INPP5A: variants seen among roughly 807,000 people sequenced by gnomAD.
INPP5A encodes the protein 43 kDa inositol polyphosphate 5-phophatase.
INPP5A carries 14 observed loss-of-function variants against 65.2 expected under a neutral mutation model. That is an observed-to-expected ratio of 0.21 (90% CI 0.14 to 0.34). The LOEUF (loss-of-function observed/expected upper bound fraction) is 0.34, where lower values mean the gene tolerates loss of function less well. INPP5A is among the 10% of genes least tolerant of loss of function. The pLI, the probability that INPP5A is intolerant of heterozygous loss-of-function variation, is 1.00. For missense variants in INPP5A, 431 were observed against 545.6 expected, an observed-to-expected ratio of 0.79 and a Z score of 2.09; for synonymous variants, 207 against 208.3, an observed-to-expected ratio of 0.99 and a Z score of 0.05.
rs1015725476 is a variant in INPP5A at position 132,678,032 on chromosome 10, G to A, written c.307-12360G>A. ...TGTGCATCTCTCCCGCCAGCAGCCA[G>A]CCGGGAGAGGGGCTCGGCAGGAGGC... is the stretch of plus-strand genomic sequence containing the variant. On this transcript the variant is annotated intron_variant, in intron 4 of 15. Coordinates refer to ENST00000368594, the MANE Select transcript of INPP5A (RefSeq NM_005539.5). The surrounding 1 kb of genome is among the most constrained non-coding windows in gnomAD (Gnocchi z 4.1). Among the ~76,000 whole-genome samples, 1 of 152,266 alleles carries A rather than the reference G, an allele frequency of 6.6e-6. No homozygotes were observed. The highest frequency in any genetic ancestry group is 1.5e-5 in the Non-Finnish European group (1 of 68,048).
chr10:132,739,760 C>G (rs1011012114), intron 9 of INPP5A, among the ~76,000 whole-genome samples: 6 of 152,210 alleles, frequency 3.9e-5, no homozygotes, highest in African/African-American at 1.2e-4. Flanking sequence ...CATCAAAGAT[C>G]GTCAGGCTTG....
At position 132,704,294 on chromosome 10, in the gene INPP5A, T is replaced by C. The variant is rs922820590; in HGVS notation, c.475-4019T>C. ...GGGGCCTCACCCAGTTACTGTAGAT[T>C]TGTCACCAGTCACACGTCCAGCCTT... On this transcript the variant is annotated intron_variant, in intron 6 of 15. Coordinates refer to ENST00000368594, the MANE Select transcript of INPP5A (RefSeq NM_005539.5). The surrounding 1 kb of genome is among the most constrained non-coding windows in gnomAD (Gnocchi z 4.5). Among the ~76,000 whole-genome samples, 2 of 152,172 alleles carry C rather than the reference T, an allele frequency of 1.3e-5. No individual in the cohort carries two copies. The highest frequency in any genetic ancestry group is 2.9e-5 in the Non-Finnish European group (2 of 68,024).
intron 1 of INPP5A, among the ~76,000 whole-genome samples, chr10:132,566,347 G>A (rs2071274710): frequency 6.6e-6 from 1 of 152,144 alleles, no homozygotes; most frequent in Non-Finnish European, 1.5e-5. Flanking sequence ...AGGAACATCC[G>A]GCCCCAGTTC....
At chr10:132,745,116 G>C (rs1447466138) in intron 9 of INPP5A, among the ~76,000 whole-genome samples, 1 of 152,220 alleles carries the variant, frequency 6.6e-6, no homozygotes, top group African/African-American at 2.4e-5. Flanking sequence ...AGGGCCTGGG[G>C]ACACAGGGTG....
chr10:132,738,707 C>A (rs1300607101), intron 9 of INPP5A, among the ~76,000 whole-genome samples: 1 of 152,238 alleles, frequency 6.6e-6, no homozygotes, highest in Non-Finnish European at 1.5e-5. Context: ...CGGGAGCAAC[C>A]TTGGGAGAGG....
intron 2 of INPP5A, among the ~76,000 whole-genome samples, chr10:132,640,106 T>A (rs934376112): frequency 5.9e-5 from 9 of 152,244 alleles, no homozygotes; most frequent in Non-Finnish European, 1.3e-4. Context: ...GGCCATGTTT[T>A]CAGATTCCGA....
chr10:132,620,891 C>G (rs2072099468), intron 2 of INPP5A, among the ~76,000 whole-genome samples: 1 of 152,128 alleles, frequency 6.6e-6, no homozygotes, highest in Non-Finnish European at 1.5e-5. Flanking sequence ...AAAATTCAAA[C>G]CAACATTCCC....
intron 1 of INPP5A, among the ~76,000 whole-genome samples, chr10:132,594,766 G>A (rs201989459): frequency 2.0e-5 from 3 of 152,184 alleles, no homozygotes; most frequent in East Asian, 3.9e-4. Context: ...TCCTGAGGTG[G>A]GGACCTCTGC....
rs1243145248 is a variant in INPP5A at position 132,587,445 on chromosome 10, G to A, written c.76-20470G>A. ...GATCCTGGCATGGCCTGTGTGATTC[G>A]AGGTCAGAAATCATGACGGGGAAAG... On this transcript the variant is annotated intron_variant, in intron 1 of 15. Transcript: ENST00000368594. The surrounding 1 kb of genome is among the most constrained non-coding windows in gnomAD (Gnocchi z 4.3). 6.6e-6 allele frequency among the ~76,000 whole-genome samples: 1 copy of A among 152,174 alleles called. No individual in the cohort carries two copies. Among genetic ancestry groups the A allele is most frequent in the Non-Finnish European group, 1.5e-5 (1 of 68,032 alleles).
At position 132,704,412 on chromosome 10, in the gene INPP5A, C is replaced by T. The variant is rs1845498644; in HGVS notation, c.475-3901C>T. On this transcript the variant is annotated intron_variant, in intron 6 of 15. Transcript: ENST00000368594. This position sits in a 1 kb window ranked among gnomAD's most constrained non-coding sequence, Gnocchi z 4.5. ...AGGGACCATAGGTGCAGTTCTTAAC[C>T]TGTGAGCCTCAGTTTCCCTTTCTGG... 6.6e-6 allele frequency among the ~76,000 whole-genome samples: 1 copy of T among 152,244 alleles called. No individual in the cohort carries two copies. Among genetic ancestry groups the T allele is most frequent in the South Asian group, 2.1e-4 (1 of 4,834 alleles).
At chr10:132,688,819 T>G (rs1253697829) in intron 4 of INPP5A, among the ~76,000 whole-genome samples, 1 of 3,680 alleles carries the variant, frequency 2.7e-4, no homozygotes, top group East Asian at 0.028. Flanking sequence ...TGTGAGTGCA[T>G]GACTGAGTGC....
At chr10:132,688,905 CGT>C (rs1479320718) in intron 4 of INPP5A, among the ~76,000 whole-genome samples, 5 of 148,980 alleles carry the variant, frequency 3.4e-5, no homozygotes. Context: ...AGAGCAAGCA[CGT>C]GAGTGTGCAT....
At position 132,651,321 on chromosome 10, in the gene INPP5A, C is replaced by T. The variant is rs1163825994; in HGVS notation, c.306+816C>T. 1.4e-5 allele frequency among the ~76,000 whole-genome samples: 2 copies of T among 143,616 alleles called. No individual in the cohort carries two copies. The highest frequency in any genetic ancestry group is 6.8e-5 in the Admixed American group (1 of 14,714). 94.2% of individuals were successfully genotyped at this position (143,616 alleles called of 152,430 possible). A position where few individuals can be genotyped will look rare whatever the true frequency, so the allele number is the denominator to read the frequency against. ...GTCTCTGGGGAGGCCCTGGGTCCCC[C>T]GGCCTGGATCCATCTCCCCCGTCTC... On this transcript the variant is annotated intron_variant, in intron 4 of 15. Coordinates refer to ENST00000368594, the MANE Select transcript of INPP5A (RefSeq NM_005539.5). The surrounding 1 kb of genome is among the most constrained non-coding windows in gnomAD (Gnocchi z 5.0).
chr10:132,702,916 T>TG (rs897347459), intron 6 of INPP5A, among the ~76,000 whole-genome samples: 3 of 152,074 alleles, frequency 2.0e-5, no homozygotes, highest in African/African-American at 7.2e-5. Flanking sequence ...ACTGTGGGCT[T>TG]GGGGGAGTGG....
Position 132,651,729 on chromosome 10 carries a change from G to A in INPP5A, c.306+1224G>A, listed in dbSNP as rs1483714566. On this transcript the variant is annotated intron_variant, in intron 4 of 15. Coordinates refer to ENST00000368594, the MANE Select transcript of INPP5A (RefSeq NM_005539.5). This position sits in a 1 kb window ranked among gnomAD's most constrained non-coding sequence, Gnocchi z 5.0. Reference sequence around the variant, plus strand: ...GCAGGTGGGACTCTCATTGCTGTTTGGGTTCAAGGGCCATCTCACTTGTTT... The same window carrying A: ...GCAGGTGGGACTCTCATTGCTGTTTAGGTTCAAGGGCCATCTCACTTGTTT... Among the ~76,000 whole-genome samples the A allele has an allele frequency of 6.6e-6, 1 of 152,198 alleles. No homozygotes were observed. Among genetic ancestry groups the A allele is most frequent in the African/African-American group, 2.4e-5 (1 of 41,444 alleles).
chr10:132,618,106 A>C (rs1453147358), intron 2 of INPP5A, among the ~76,000 whole-genome samples: 2 of 152,266 alleles, frequency 1.3e-5, no homozygotes, highest in Admixed American at 1.3e-4. Flanking sequence ...GTTGTCTGTC[A>C]TGCAAATATA....
chr10:132,613,081 C>T (rs1481485460), intron 2 of INPP5A, among the ~76,000 whole-genome samples: 2 of 152,196 alleles, frequency 1.3e-5, no homozygotes, highest in Non-Finnish European at 2.9e-5. Context: ...AGAATCCCCA[C>T]GTACATGTCC....
intron 8 of INPP5A, among the ~76,000 whole-genome samples, chr10:132,720,703 A>G (rs571382330): frequency 1.5e-4 from 18 of 122,232 alleles, no homozygotes; most frequent in African/African-American, 4.4e-4. Flanking sequence ...CACCTTAGAC[A>G]GCTGTCTTCA....
chr10:132,700,657 C>T lies in INPP5A; in HGVS notation c.474+2738C>T, dbSNP rs975263452. Among the ~76,000 whole-genome samples the T allele has an allele frequency of 4.6e-5, 7 of 152,328 alleles. No individual in the cohort carries two copies. The East Asian group carries it at 1.4e-3, about 29-fold the overall frequency. ...GCAGCCTGGCCGGGCCCGCCCCTCCCTCTGTGCCTCTGCACCCGACCTCTC... is the reference window on the plus strand; with the variant it reads ...GCAGCCTGGCCGGGCCCGCCCCTCCTTCTGTGCCTCTGCACCCGACCTCTC... On this transcript the variant is annotated intron_variant, in intron 6 of 15. Transcript: ENST00000368594.
Sources: allele counts gnomAD v4.1 joint callset (sites outside exome capture counted in the v4.1 genomes callset), GRCh38; gene constraint gnomAD v4.1.1; non-coding constraint Gnocchi (gnomAD v3.1); transcripts MANE v1.5; gene names NCBI Gene and HGNC (gene_info 2026-07-23, HGNC 2026-07-21).